The following RAD21 variants were observed in gnomAD, a reference collection of about 807,000 sequenced individuals.
RAD21 encodes the protein RAD21 cohesin complex component.
Under a neutral mutation model 71.5 loss-of-function variants are expected in RAD21, and 18 were observed. The observed-to-expected ratio is 0.25, with a 90% CI of 0.17 to 0.37. RAD21 has a LOEUF of 0.37. Among genes scored for constraint, RAD21 ranks in the 10% least tolerant of loss-of-function variants. RAD21 has a pLI of 1.00. For synonymous variants in RAD21, 248 were observed against 254.0 expected (o/e 0.98, Z 0.22); for missense variants, 493 against 769.1 (o/e 0.64, Z 4.25).
At chr8:116,870,264 C>T (rs1358129711) in intron 1 of RAD21, among the ~76,000 whole-genome samples, 1 of 152,156 alleles carries the variant, frequency 6.6e-6, no homozygotes, top group Non-Finnish European at 1.5e-5. Flanking sequence ...TGGTGGCTCA[C>T]GCCTGCCATC....
intron 4 of RAD21, among the ~76,000 whole-genome samples, chr8:116,861,069 CAA>C (rs1369944703): frequency 6.6e-6 from 1 of 151,804 alleles, no homozygotes; most frequent in Non-Finnish European, 1.5e-5. Flanking sequence ...AATAAAATGT[CAA>C]AAAGAGAGAA....
chr8:116,860,635 T>C (rs1435002142), intron 4 of RAD21, among the ~76,000 whole-genome samples: 2 of 150,354 alleles, frequency 1.3e-5, no homozygotes, highest in Non-Finnish European at 2.9e-5. Context: ...TTAAACATAA[T>C]GCTATTACTG....
In RAD21 at chr8:116,852,681, C is replaced by T. The variant is rs371948457; in HGVS notation, c.1189G>A (p.Val397Ile). 7 of 1,602,138 alleles carry T rather than the reference C, an allele frequency of 4.4e-6. No individual in the cohort carries two copies. The highest frequency in any genetic ancestry group is 5.1e-6 in the Non-Finnish European group (6 of 1,175,220). ...KLFTRCLTPL[V>I]PEDLRKRRKG... ...CTCCTTTTTCTAAGGTCTTCTGGTA[C>T]AAGCGGTGTAAGACAGCGTGTAAAG... The change falls in exon 10 of 14, where the codon GTA (valine) becomes ATA (isoleucine). Residue 397 changes from valine (V) to isoleucine (I), a missense_variant. Transcript: ENST00000297338.
Position 116,852,570 on chromosome 8 carries a change from G to A in RAD21, c.1300C>T (p.His434Tyr). Residue 434 changes from histidine to tyrosine, a missense_variant, in exon 10 of 14, where the codon CAT (histidine) becomes TAT (tyrosine). Around this residue, in one of 5 missense-constraint regions of RAD21, gnomAD observed 225 missense variants for 218.3 expected, o/e 1.03. Transcript: ENST00000297338. ...EVPREDQQQQ[H>Y]QQRDVIDEPI... ...AAACCGATAACATCACGCTGCTGAT[G>A]CTGCTGTTGCTGGTCCTCTCTAGGA... is the stretch of plus-strand genomic sequence containing the variant. 1 of 1,612,586 alleles carries A rather than the reference G, an allele frequency of 6.2e-7. No homozygotes were observed. Among genetic ancestry groups the A allele is most frequent in the Non-Finnish European group, 8.5e-7 (1 of 1,179,338 alleles).
chr8:116,869,603 A>G (rs1350937241), intron 1 of RAD21, among the ~76,000 whole-genome samples: 2 of 152,148 alleles, frequency 1.3e-5, no homozygotes. Flanking sequence ...AAAAAAAGTG[A>G]GCCAAAGAAG....
At chr8:116,848,760 A>AT (rs1554610579) in intron 13 of RAD21, 186 bp downstream of exon 13, 7 of 434,570 alleles carry the variant, frequency 1.6e-5, no homozygotes, top group South Asian at 1.2e-4. Context: ...TTAAACTATA[A>AT]TAAAAAAAAA....
In RAD21 at chr8:116,852,000, G is replaced by A; in HGVS notation, c.1418C>T (p.Pro473Leu). Residue 473 changes from proline to leucine, a missense_variant, in exon 11 of 14, where the codon CCT becomes CTT. Transcript: ENST00000297338. Reference protein sequence around the residue: ...IDESAMPPPPPQGVKRKAGQI... With the variant: ...IDESAMPPPPLQGVKRKAGQI... Reference sequence around the variant, plus strand: ...TCCAGCTTTTCGCTTAACTCCCTGAGGTGGTGGTGGAGGCATAGCTGACTC... The same window carrying A: ...TCCAGCTTTTCGCTTAACTCCCTGAAGTGGTGGTGGAGGCATAGCTGACTC... 6.2e-7 allele frequency: 1 copy of A among 1,612,526 alleles called. No homozygotes were observed. Among genetic ancestry groups the A allele is most frequent in the Non-Finnish European group, 8.5e-7 (1 of 1,178,728 alleles).
At chr8:116,866,920 C>G in intron 1 of RAD21, 159 bp from the exon 2 acceptor site, 1 of 447,126 alleles carries the variant, frequency 2.2e-6, no homozygotes, top group Non-Finnish European at 3.7e-6. Flanking sequence ...AGATTTAAAA[C>G]AAATCTATTG....
At chr8:116,858,328 G>A (rs778676538) in intron 5 of RAD21, 24 bp downstream of exon 5, 3 of 1,506,220 alleles carry the variant, frequency 2.0e-6, no homozygotes, top group Admixed American at 1.7e-5. Context: ...ATAATTAATG[G>A]CTAATAATTT....
Position 116,853,165 on chromosome 8 carries a change from G to A in RAD21, c.1162-457C>T, listed in dbSNP as rs16888917. Among the ~76,000 whole-genome samples, 583 of 152,040 alleles carry A rather than the reference G, an allele frequency of 3.8e-3. 4 individuals carry two copies. The highest frequency in any genetic ancestry group is 0.011 in the African/African-American group (473 of 41,476). ...ACAATCTCAGCTCATTGCAACCTCC[G>A]CGCCCCCGGTTCAAGTGATTCTTGT... On this transcript the variant is annotated intron_variant, in intron 9 of 13. Transcript: ENST00000297338.
chr8:116,858,715 T>C (rs147825744), intron 4 of RAD21, among the ~76,000 whole-genome samples: 1 of 151,990 alleles, frequency 6.6e-6, no homozygotes, highest in East Asian at 1.9e-4. Flanking sequence ...CTAAATCAAG[T>C]ACAGAGGAAA....
chr8:116,851,932 A>G lies in RAD21; in HGVS notation c.1470+16T>C, dbSNP rs1812357486. On this transcript the variant is annotated intron_variant, in intron 11 of 13. Coordinates refer to ENST00000297338, the MANE Select transcript of RAD21 (RefSeq NM_006265.3). ...AATACCTTCAAATGACTTAATGGAT[A>G]GATTTGCTTACTTACAGGCATCACA... 2 of 1,595,722 alleles carry G rather than the reference A, an allele frequency of 1.3e-6. No homozygotes were observed. Among genetic ancestry groups the G allele is most frequent in the Admixed American group, 1.7e-5 (1 of 59,590 alleles).
rs1454595495 is a variant in RAD21, at chr8:116,874,767, C to G, written c.-189G>C. ...GCGCCTCCTTTCCGATTCACTCAAA[C>G]AAACAAGATGGCTGCCGTTACGCCG... is the stretch of plus-strand genomic sequence containing the variant. On this transcript the variant is annotated 5_prime_UTR_variant, in exon 1 of 14. Transcript: ENST00000297338. The G allele has an allele frequency of 4.4e-6, 2 of 456,354 alleles. No homozygotes were observed. Among genetic ancestry groups the G allele is most frequent in the Non-Finnish European group, 4.4e-6 (1 of 226,804 alleles). 28.3% of individuals were successfully genotyped at this position (456,354 alleles called of 1,614,324 possible).
Position 116,854,405 on chromosome 8 carries a change from C to T in RAD21, c.1001G>A (p.Ser334Asn), listed in dbSNP as rs1812420489. ...LIVDSVKELD[S>N]KTIRAQLSDY... ...ACTAAGTTGGGCTCTAATTGTCTTG[C>T]TATCCAACTCTTTGACACTGTCAAC... is the stretch of plus-strand genomic sequence containing the variant. Residue 334 changes from serine to asparagine, a missense_variant, in exon 9 of 14, where the codon AGC (serine) becomes AAC (asparagine). By Grantham distance (46) the Ser-to-Asn change is conservative (BLOSUM62 1). Around this residue, in one of 5 missense-constraint regions of RAD21, gnomAD observed 42 missense variants for 117.2 expected, o/e 0.36. Transcript: ENST00000297338. The T allele has an allele frequency of 1.2e-6, 2 of 1,613,792 alleles. No homozygotes were observed. Among genetic ancestry groups the T allele is most frequent in the Admixed American group, 1.7e-5 (1 of 59,958 alleles).
Position 116,861,510 on chromosome 8 carries a change from A to G in RAD21, c.374+331T>C, listed in dbSNP as rs115404698. Reference sequence around the variant, plus strand: ...CCAATCCAGTAGCTGACTTTAATATATAACTCTGAAAAATATCATGAAGCA... The same window carrying G: ...CCAATCCAGTAGCTGACTTTAATATGTAACTCTGAAAAATATCATGAAGCA... On this transcript the variant is annotated intron_variant, in intron 4 of 13. Coordinates refer to ENST00000297338, the MANE Select transcript of RAD21 (RefSeq NM_006265.3). Among the ~76,000 whole-genome samples, 675 of 151,650 alleles carry G rather than the reference A, an allele frequency of 4.5e-3. 9 individuals are homozygous for G. The highest frequency in any genetic ancestry group is 0.016 in the African/African-American group (649 of 41,310).
chr8:116,864,548 TCAGA>T (rs1403954424), intron 2 of RAD21, among the ~76,000 whole-genome samples: 1 of 127,322 alleles, frequency 7.9e-6, no homozygotes, highest in Non-Finnish European at 1.7e-5. Flanking sequence ...TCAGAATTTA[TCAGA>T]CAATGAATCC....
At chr8:116,867,411 C>A (rs1267632727) in intron 1 of RAD21, among the ~76,000 whole-genome samples, 1 of 152,088 alleles carries the variant, frequency 6.6e-6, no homozygotes, top group Non-Finnish European at 1.5e-5. Flanking sequence ...AAATCAGGGA[C>A]AATGGTACAG....
chr8:116,856,602 T>C (rs1554611408), intron 7 of RAD21, 44 bp downstream of exon 7: 1 of 1,526,904 alleles, frequency 6.5e-7, no homozygotes, highest in South Asian at 1.3e-5. Context: ...TCTTTCTGGA[T>C]GCCATACAAT....
At chr8:116,867,731 C>T (rs1812725764) in intron 1 of RAD21, among the ~76,000 whole-genome samples, 1 of 152,126 alleles carries the variant, frequency 6.6e-6, no homozygotes, top group African/African-American at 2.4e-5. Context: ...ATGTACAATA[C>T]ATAAAATTTT....
Sources: allele counts gnomAD v4.1 joint callset (sites outside exome capture counted in the v4.1 genomes callset), GRCh38; gene constraint gnomAD v4.1.1; regional missense constraint gnomAD v4.1.1; transcripts MANE v1.5; gene names NCBI Gene and HGNC (gene_info 2026-07-23, HGNC 2026-07-21).